Variants in PLCG2 observed in about 807,000 individuals in gnomAD.
PLCG2 encodes the protein phospholipase C gamma 2, also known as 1-phosphatidylinositol 4,5-bisphosphate phosphodiesterase gamma-2.
Under a neutral mutation model 175.6 loss-of-function variants are expected in PLCG2, and 69 were observed. The ratio of observed to expected loss-of-function variants is 0.39; its 90% confidence interval spans 0.32 to 0.48. The LOEUF is 0.48. Among genes scored for constraint, PLCG2 ranks in the 20% least tolerant of loss-of-function variants. The probability of loss-of-function intolerance (pLI) is 0.91; values close to 1 mark genes in which losing one functional copy is unlikely to be tolerated. For synonymous variants in PLCG2, 827 were observed against 624.0 expected, an observed-to-expected ratio of 1.33 and a Z score of -4.85; for missense variants, 1,798 against 1,650.9, an observed-to-expected ratio of 1.09 and a Z score of -1.54.
At chr16:81,951,588 A>T (rs533826442) in intron 31 of PLCG2, among the ~76,000 whole-genome samples, 1 of 152,236 alleles carries the variant, frequency 6.6e-6, no homozygotes, top group Non-Finnish European at 1.5e-5. Flanking sequence ...TACAACTTTC[A>T]TATCAAAACT....
At chr16:81,841,385 C>G (rs868428701) in intron 2 of PLCG2, among the ~76,000 whole-genome samples, 1 of 151,840 alleles carries the variant, frequency 6.6e-6, no homozygotes, top group African/African-American at 2.4e-5. Flanking sequence ...GGCACCCAGG[C>G]GCTTACTACC....
At chr16:81,752,393 C>A (rs75910468) in intron 1 of PLCG2, among the ~76,000 whole-genome samples, 1 of 152,188 alleles carries the variant, frequency 6.6e-6, no homozygotes, top group Admixed American at 6.6e-5. Flanking sequence ...GGGACACGTC[C>A]TCTTTTAAGG....
At position 81,799,598 on chromosome 16, in the gene PLCG2, A is replaced by ATT. The variant is rs35033377; in HGVS notation, c.193+13433_193+13434dup. On this transcript the variant is annotated intron_variant, in intron 2 of 32. Transcript: ENST00000564138. ...AGCCACTGAGCCTGGCCTGTTATTA[A>ATT]TTTTTTTTTTTTTTTTTTGAGACAG... Among the ~76,000 whole-genome samples the ATT allele has an allele frequency of 1.1e-3, 143 of 134,614 alleles. 1 individual carries two copies. The highest frequency in any genetic ancestry group is 3.8e-3 in the South Asian group (16 of 4,160). The allele number at this position is 134,614 out of a possible 152,430, so 88.3% of individuals were successfully genotyped here.
chr16:81,779,180 C>G (rs1047296479), upstream of PLCG2: 15 of 152,228 alleles, frequency 9.9e-5, no homozygotes, highest in African/African-American at 2.9e-4. Context: ...GGGGTGCGCT[C>G]CGAGAGGCGG....
Position 81,919,669 on chromosome 16 carries a change from G to A in PLCG2, c.2235+5G>A, listed in dbSNP as rs756659964. On this transcript the variant is annotated splice_donor_5th_base_variant and intron_variant, in intron 20 of 32. Coordinates refer to ENST00000564138, the MANE Select transcript of PLCG2 (RefSeq NM_002661.5). ...CTCCTGGAGCGCTACAATATGGTAG[G>A]TGGTGGACTCCCTTGTGATTTGGTG... 3.7e-6 allele frequency: 6 copies of A among 1,607,980 alleles called. No individual in the cohort carries two copies. The African/African-American group carries it at 8.0e-5, about 22-fold the overall frequency.
At position 81,960,629 on chromosome 16, in the gene PLCG2, C is replaced by G. The variant is rs999454439; in HGVS notation, c.*2631C>G. ...TGTTTTCCAAATTCGATCTCAGAAT[C>G]TTTTTGCCAGAAGTGTCTCATGGGA... On this transcript the variant is annotated 3_prime_UTR_variant, in exon 33 of 33. Coordinates refer to ENST00000564138, the MANE Select transcript of PLCG2 (RefSeq NM_002661.5). 4.3e-6 allele frequency: 1 copy of G among 231,172 alleles called. No individual in the cohort carries two copies. The highest frequency in any genetic ancestry group is 2.2e-5 in the African/African-American group (1 of 45,216). 14.3% of individuals were successfully genotyped at this position (231,172 alleles called of 1,614,324 possible). A position where few individuals can be genotyped will look rare whatever the true frequency, so the allele number is the denominator to read the frequency against.
chr16:81,860,230 C>T (rs1357443005), intron 5 of PLCG2, among the ~76,000 whole-genome samples: 1 of 140,390 alleles, frequency 7.1e-6, no homozygotes, highest in East Asian at 2.1e-4. Context: ...TTAAAAAAAG[C>T]AAACGCAGTT....
At chr16:81,817,118 A>C (rs1904587170) in intron 2 of PLCG2, among the ~76,000 whole-genome samples, 1 of 152,182 alleles carries the variant, frequency 6.6e-6, no homozygotes, top group Admixed American at 6.5e-5. Flanking sequence ...CAGGGAGGTG[A>C]AGACAAAGCC....
rs1317695853 is a variant in PLCG2 at position 81,927,155 on chromosome 16, G to C, written c.2491G>C (p.Asp831His). Residue 831 changes from aspartate (D) to histidine (H), a missense_variant, in exon 23 of 33, where the codon GAC becomes CAC. Asp to His is a moderately conservative substitution (Grantham distance 81). Transcript: ENST00000564138. ...SNYVEDISTA[D>H]FEELEKQIIE... ...CTACGTCGAGGACATCTCAACTGCA[G>C]ACTTCGAGGAGCTAGAAAAGCAGGT... The C allele has an allele frequency of 6.2e-7, 1 of 1,612,840 alleles. No homozygotes were observed. Among genetic ancestry groups the C allele is most frequent in the African/African-American group, 1.3e-5 (1 of 75,026 alleles).
At chr16:81,786,215 G>C (rs4294811) in intron 2 of PLCG2, 33 bp downstream of exon 2, 4 of 1,584,144 alleles carry the variant, frequency 2.5e-6, no homozygotes, top group Admixed American at 1.7e-5. Flanking sequence ...AGTGTGGCCC[G>C]TCCTCTGGGG....
chr16:81,806,041 C>T (rs953040942), intron 2 of PLCG2, among the ~76,000 whole-genome samples: 2 of 151,866 alleles, frequency 1.3e-5, no homozygotes, highest in African/African-American at 4.8e-5. Flanking sequence ...ATATCCAAAG[C>T]ATTATTATTT....
At position 81,780,523 on chromosome 16, in the gene PLCG2, T is replaced by G. The variant is rs1446102615; in HGVS notation, c.-48+1099T>G. Among the ~76,000 whole-genome samples, 5 of 152,182 alleles carry G rather than the reference T, an allele frequency of 3.3e-5. No homozygotes were observed. In the East Asian group the frequency reaches 7.7e-4, roughly 24 times the overall value. ...TCAAGCAGTTTCTCTTGCAAAGGTG[T>G]GTGTGCAGTCACGTGTATACCAGCT... On this transcript the variant is annotated intron_variant, in intron 1 of 32. Transcript: ENST00000564138.
intron 2 of PLCG2, among the ~76,000 whole-genome samples, chr16:81,840,169 A>G (rs1905743137): frequency 6.6e-6 from 1 of 152,210 alleles, no homozygotes; most frequent in Admixed American, 6.5e-5. Context: ...TGAGAAATGA[A>G]ACATCGGCAA....
intron 2 of PLCG2, among the ~76,000 whole-genome samples, chr16:81,818,233 G>A (rs994381694): frequency 2.0e-5 from 3 of 152,228 alleles, no homozygotes; most frequent in East Asian, 3.8e-4. Flanking sequence ...GCCTGATCAA[G>A]TCTGTGGCTC....
At chr16:81,761,901 G>T (rs1383071016) in intron 2 of PLCG2, among the ~76,000 whole-genome samples, 1 of 146,660 alleles carries the variant, frequency 6.8e-6, no homozygotes. Flanking sequence ...GTGTGATCTC[G>T]GCTCACTCTA....
At chr16:81,887,682 A>G (rs376403279) in intron 9 of PLCG2, among the ~76,000 whole-genome samples, 1 of 152,186 alleles carries the variant, frequency 6.6e-6, no homozygotes, top group East Asian at 1.9e-4. Context: ...CTTCCCATCT[A>G]AGCACACACA....
rs1471247980 is a variant in PLCG2 at position 81,960,939 on chromosome 16, C to G, written c.*2941C>G. On this transcript the variant is annotated 3_prime_UTR_variant, in exon 33 of 33. Coordinates refer to ENST00000564138, the MANE Select transcript of PLCG2 (RefSeq NM_002661.5). ...TGCCTGAGAAAATGCCCTTTTCTCACCTTACAAAAGAAAATATGGCTGTCT... is the reference window on the plus strand; with the variant it reads ...TGCCTGAGAAAATGCCCTTTTCTCAGCTTACAAAAGAAAATATGGCTGTCT... 8.7e-6 allele frequency: 2 copies of G among 228,964 alleles called. No individual in the cohort carries two copies. The highest frequency in any genetic ancestry group is 1.7e-5 in the Non-Finnish European group (2 of 115,424). 14.2% of individuals were successfully genotyped at this position (228,964 alleles called of 1,614,324 possible). A position where few individuals can be genotyped will look rare whatever the true frequency, so the allele number is the denominator to read the frequency against.
chr16:81,783,047 T>C, intron 1 of PLCG2: 1 of 447,796 alleles, frequency 2.2e-6, no homozygotes, highest in Non-Finnish European at 4.4e-6. Flanking sequence ...ACTGGGACCC[T>C]GGGGAAGGTT....
chr16:81,943,182 C>T (rs1911020909), intron 30 of PLCG2, among the ~76,000 whole-genome samples: 1 of 152,194 alleles, frequency 6.6e-6, no homozygotes, highest in African/African-American at 2.4e-5. Flanking sequence ...AGCAGCTAGA[C>T]TGTATTAGTC....
Sources: allele counts gnomAD v4.1 joint callset (sites outside exome capture counted in the v4.1 genomes callset), GRCh38; gene constraint gnomAD v4.1.1; transcripts MANE v1.5; gene names NCBI Gene and HGNC (gene_info 2026-07-23, HGNC 2026-07-21).